The following TSPAN7 variants were observed in gnomAD, a reference collection of about 807,000 sequenced individuals.
TSPAN7 encodes tetraspanin-7.
A neutral mutation model predicts 17.6 loss-of-function variants in TSPAN7; 1 was observed. The ratio of observed to expected loss-of-function variants is 0.06; its 90% CI spans 0.02 to 0.27. The LOEUF is 0.27. Among genes scored for constraint, TSPAN7 ranks in the 10% least tolerant of loss-of-function variants. TSPAN7 has a pLI of 1.00. For synonymous variants in TSPAN7, 78 were observed against 79.0 expected, an observed-to-expected ratio of 0.99 and a Z score of 0.07; for missense variants, 112 against 201.7, an observed-to-expected ratio of 0.56 and a Z score of 2.69.
At chrX:38,574,601 G>A (rs956377223) in intron 1 of TSPAN7, among the ~76,000 whole-genome samples, 1 of 111,167 alleles carries the variant, frequency 9.0e-6, no homozygotes, top group African/African-American at 3.3e-5. Context: ...AGATGTTCTT[G>A]GGTGGGGAGA....
chrX:38,578,745 GA>G (rs200563972), intron 1 of TSPAN7, among the ~76,000 whole-genome samples: 3,492 of 110,224 alleles, frequency 0.032, 129 homozygotes, highest in African/African-American at 0.1. Context: ...AATTTTGAGA[GA>G]AAAAAATACA....
At chrX:38,573,571 C>A (rs766623250) in intron 1 of TSPAN7, among the ~76,000 whole-genome samples, 1 of 111,713 alleles carries the variant, frequency 9.0e-6, no homozygotes, top group Non-Finnish European at 1.9e-5. Context: ...TATAGTTAAT[C>A]AGTATTGATA....
intron 1 of TSPAN7, among the ~76,000 whole-genome samples, chrX:38,630,115 A>G (rs2069542099): frequency 8.9e-6 from 1 of 111,985 alleles, no homozygotes. Context: ...AAATTTCCCC[A>G]TTTTAATTTA....
At chrX:38,566,129 G>A (rs1286133431) in intron 1 of TSPAN7, among the ~76,000 whole-genome samples, 3 of 112,184 alleles carry the variant, frequency 2.7e-5, no homozygotes, top group African/African-American at 6.5e-5. Context: ...CAGAGCATGC[G>A]CAACACAATC....
intron 1 of TSPAN7, among the ~76,000 whole-genome samples, chrX:38,566,933 TG>T (rs975209276): frequency 1.8e-5 from 2 of 111,982 alleles, no homozygotes; most frequent in African/African-American, 6.5e-5. Flanking sequence ...AAGTTCCCCT[TG>T]CTTAATTCAA....
At chrX:38,638,646 A>G (rs939587517) in intron 1 of TSPAN7, among the ~76,000 whole-genome samples, 11 of 111,302 alleles carry the variant, frequency 9.9e-5, no homozygotes, top group African/African-American at 3.3e-4. Context: ...CAAAGCCTCA[A>G]TTGTGTGGAA....
chrX:38,626,907 T>C (rs1202092496), intron 1 of TSPAN7, among the ~76,000 whole-genome samples: 2 of 111,565 alleles, frequency 1.8e-5, no homozygotes, highest in East Asian at 5.6e-4. Context: ...AGCTAATCTA[T>C]ACTGGCTTTG....
At chrX:38,607,629 T>C (rs1174738698) in intron 1 of TSPAN7, among the ~76,000 whole-genome samples, 5 of 111,498 alleles carry the variant, frequency 4.5e-5, no homozygotes, top group Non-Finnish European at 9.4e-5. Flanking sequence ...ACACTTTTCG[T>C]AGCATTCATC....
At chrX:38,607,628 G>A (rs916771201) in intron 1 of TSPAN7, among the ~76,000 whole-genome samples, 1 of 111,198 alleles carries the variant, frequency 9.0e-6, no homozygotes, top group Non-Finnish European at 1.9e-5. Flanking sequence ...CACACTTTTC[G>A]TAGCATTCAT....
chrX:38,604,207 A>AT (rs1281145918), intron 1 of TSPAN7, among the ~76,000 whole-genome samples: 48 of 103,010 alleles, frequency 4.7e-4, no homozygotes, highest in African/African-American at 1.6e-3. Context: ...TGAACTCATC[A>AT]TTTTTTATGG....
chrX:38,668,936 A>AT (rs61214693), intron 2 of TSPAN7, among the ~76,000 whole-genome samples: 19,249 of 104,096 alleles, frequency 0.18, 2,130 homozygotes, highest in East Asian at 0.78. Context: ...ATCAGCATTT[A>AT]TTTTTTTTTT....
At chrX:38,649,461 C>T (rs1458172795) in intron 1 of TSPAN7, among the ~76,000 whole-genome samples, 1 of 112,439 alleles carries the variant, frequency 8.9e-6, no homozygotes, top group African/African-American at 3.2e-5. Context: ...TATTTGAAGT[C>T]ACTTGGCATG....
Position 38,687,783 on chromosome X carries a change from G to C in TSPAN7, c.*7+109G>C, listed in dbSNP as rs898986130. 12 of 575,043 alleles carry C rather than the reference G, an allele frequency of 2.1e-5. No individual in the cohort carries two copies. In the African/African-American group the frequency reaches 2.5e-4, roughly 12 times the overall value. 47.4% of individuals were successfully genotyped at this position (575,043 alleles called of 1,213,427 possible). A position where few individuals can be genotyped will look rare whatever the true frequency, so the allele number is the denominator to read the frequency against. On this transcript the variant is annotated intron_variant, in intron 7 of 7. Transcript: ENST00000378482. The stretch of plus-strand genomic sequence containing the variant: ...GGCCATTGAGCTACCTGATCTTGGT[G>C]GCACTTGTCCATGTTCAGAAATCTC...
chrX:38,567,665 A>G (rs2069150520), intron 1 of TSPAN7, among the ~76,000 whole-genome samples: 1 of 112,514 alleles, frequency 8.9e-6, no homozygotes, highest in South Asian at 3.7e-4. Flanking sequence ...AATGTGTACC[A>G]ACGTTTACTA....
chrX:38,670,288 A>C (rs1438985926), intron 2 of TSPAN7, among the ~76,000 whole-genome samples: 2 of 112,002 alleles, frequency 1.8e-5, no homozygotes, highest in African/African-American at 6.5e-5. Context: ...AGCAGATTGT[A>C]AGACATGTGC....
intron 1 of TSPAN7, among the ~76,000 whole-genome samples, chrX:38,646,975 G>T (rs1233222316): frequency 1.8e-5 from 2 of 111,461 alleles, no homozygotes; most frequent in Non-Finnish European, 3.8e-5. Flanking sequence ...TATCTTTTAA[G>T]ATAACTCAGC....
intron 1 of TSPAN7, among the ~76,000 whole-genome samples, chrX:38,620,121 G>A (rs1250537123): frequency 9.0e-6 from 1 of 111,710 alleles, no homozygotes; most frequent in Non-Finnish European, 1.9e-5. Context: ...GGGACATGGA[G>A]AGAAAGCAGG....
intron 1 of TSPAN7, among the ~76,000 whole-genome samples, chrX:38,647,799 G>A (rs1330607666): frequency 1.8e-5 from 2 of 111,974 alleles, no homozygotes; most frequent in African/African-American, 3.2e-5. Flanking sequence ...CTGTGGTTCC[G>A]GCAGCTTGTC....
intron 1 of TSPAN7, among the ~76,000 whole-genome samples, chrX:38,594,558 C>T (rs1332333347): frequency 9.0e-6 from 1 of 111,358 alleles, no homozygotes; most frequent in Non-Finnish European, 1.9e-5. Flanking sequence ...ATACCAATAT[C>T]TTTAGTTTCT....
Sources: allele counts gnomAD v4.1 joint callset (sites outside exome capture counted in the v4.1 genomes callset), GRCh38; gene constraint gnomAD v4.1.1; transcripts MANE v1.5; gene names NCBI Gene and HGNC (gene_info 2026-07-23, HGNC 2026-07-21).